The following LPP variants were observed in gnomAD, a reference collection of about 807,000 sequenced individuals.
LPP encodes lipoma-preferred partner.
In LPP, 38 loss-of-function variants were observed where a neutral mutation model predicts 60.4. The observed-to-expected ratio is 0.63, with a 90% CI of 0.49 to 0.83. The LOEUF is 0.83. Ranked by LOEUF, LPP falls within the 40% of genes least tolerant of loss-of-function variation. The probability of loss-of-function intolerance (pLI) is 0.00; values close to 1 mark genes in which losing one functional copy is unlikely to be tolerated. For missense variants in LPP, 902 were observed against 783.6 expected (o/e 1.15, Z -1.80); for synonymous variants, 328 against 290.8 (o/e 1.13, Z -1.30).
At chr3:188,245,988 G>GT (rs1162790333) in intron 2 of LPP, among the ~76,000 whole-genome samples, 1 of 152,132 alleles carries the variant, frequency 6.6e-6, no homozygotes, top group Non-Finnish European at 1.5e-5. Flanking sequence ...TATTTTCAAA[G>GT]TTTTTTACTT....
intron 2 of LPP, among the ~76,000 whole-genome samples, chr3:188,226,717 C>T (rs1056691274): frequency 2.6e-5 from 4 of 152,104 alleles, no homozygotes; most frequent in African/African-American, 9.7e-5. Flanking sequence ...AATTAATACA[C>T]CTTGACATAT....
chr3:188,800,789 AT>A (rs1746987877), intron 9 of LPP, among the ~76,000 whole-genome samples: 1 of 152,028 alleles, frequency 6.6e-6, no homozygotes, highest in Admixed American at 6.5e-5. Context: ...CATTTTTATG[AT>A]TTTTGGTGGA....
chr3:188,664,882 T>C (rs559958496), intron 7 of LPP, among the ~76,000 whole-genome samples: 2 of 152,234 alleles, frequency 1.3e-5, no homozygotes, highest in African/African-American at 4.8e-5. Flanking sequence ...GCTACCGGCA[T>C]TGAAAGCAAG....
intron 9 of LPP, among the ~76,000 whole-genome samples, chr3:188,847,645 A>C (rs142974357): frequency 6.6e-6 from 1 of 152,374 alleles, no homozygotes; most frequent in East Asian, 1.9e-4. Context: ...TTTATTGTCT[A>C]ACTCTCACAG....
At chr3:188,392,218 A>C (rs1250360530) in intron 3 of LPP, among the ~76,000 whole-genome samples, 2 of 152,236 alleles carry the variant, frequency 1.3e-5, no homozygotes, top group African/African-American at 2.4e-5. Flanking sequence ...CAACAGTTTT[A>C]CTTTAGGGAA....
At chr3:188,478,917 C>A (rs1201676864) in intron 4 of LPP, among the ~76,000 whole-genome samples, 1 of 151,992 alleles carries the variant, frequency 6.6e-6, no homozygotes, top group African/African-American at 2.4e-5. Flanking sequence ...CCACGCCTGG[C>A]TAATTTTTGT....
intron 9 of LPP, among the ~76,000 whole-genome samples, chr3:188,776,300 A>G (rs1737757171): frequency 6.6e-6 from 1 of 152,192 alleles, no homozygotes; most frequent in African/African-American, 2.4e-5. Context: ...TTGAAAGTAG[A>G]GTAGGAATGG....
chr3:188,815,902 A>G (rs1752336461), intron 9 of LPP, among the ~76,000 whole-genome samples: 1 of 152,230 alleles, frequency 6.6e-6, no homozygotes, highest in South Asian at 2.1e-4. Flanking sequence ...AGTTTTCATT[A>G]CTGGGGTCTT....
chr3:188,533,410 G>A (rs942578356), intron 6 of LPP, among the ~76,000 whole-genome samples: 3 of 152,152 alleles, frequency 2.0e-5, no homozygotes, highest in African/African-American at 7.2e-5. Context: ...AGGCTGCTTG[G>A]GACTTGAGAT....
intron 3 of LPP, among the ~76,000 whole-genome samples, chr3:188,391,360 G>A (rs1370811362): frequency 6.6e-6 from 1 of 152,224 alleles, no homozygotes; most frequent in East Asian, 1.9e-4. Flanking sequence ...TCTTCTAGAG[G>A]TGATCCAAGT....
intron 8 of LPP, among the ~76,000 whole-genome samples, chr3:188,755,867 A>C: frequency 2.4e-5 from 3 of 126,492 alleles, no homozygotes; most frequent in South Asian, 2.5e-4. Context: ...AAAAAAAAAC[A>C]AAGAAAAGAA....
chr3:188,463,121 A>C (rs1370708604), intron 4 of LPP, among the ~76,000 whole-genome samples: 1 of 152,050 alleles, frequency 6.6e-6, no homozygotes, highest in African/African-American at 2.4e-5. Context: ...ACAACAACAA[A>C]AATAATCTTT....
At chr3:188,482,666 A>G (rs1805145541) in intron 4 of LPP, among the ~76,000 whole-genome samples, 1 of 152,216 alleles carries the variant, frequency 6.6e-6, no homozygotes, top group Admixed American at 6.5e-5. Context: ...TGATTCTGGT[A>G]TTTAACCAAT....
In LPP at chr3:188,887,383, T is replaced by C. The variant is rs1429560554; in HGVS notation, c.*12904T>C. ...TAATTATAAACTGGAAATAGGAGAG[T>C]AGCTTGAGCAGGTTATGATATATCT... On this transcript the variant is annotated 3_prime_UTR_variant, in exon 12 of 12. Coordinates refer to ENST00000617246, the MANE Select transcript of LPP (RefSeq NM_001375462.1). 4.6e-6 allele frequency: 1 copy of C among 215,956 alleles called. No homozygotes were observed. The highest frequency in any genetic ancestry group is 2.3e-5 in the African/African-American group (1 of 44,334). 13.4% of individuals were successfully genotyped at this position (215,956 alleles called of 1,614,324 possible). A position where few individuals can be genotyped will look rare whatever the true frequency, so the allele number is the denominator to read the frequency against.
chr3:188,728,019 G>A (rs1719060212), intron 8 of LPP, among the ~76,000 whole-genome samples: 2 of 152,104 alleles, frequency 1.3e-5, no homozygotes, highest in African/African-American at 4.8e-5. Flanking sequence ...TGTTAAGGCT[G>A]GAGGAAACCT....
rs531056639 is a variant in LPP, at chr3:188,347,653, C to T, written c.-10+5934C>T. 2.4e-3 allele frequency among the ~76,000 whole-genome samples: 366 copies of T among 152,278 alleles called. 2 individuals carry two copies. The highest frequency in any genetic ancestry group is 8.3e-3 in the African/African-American group (345 of 41,558). ...AACAGAGATAACTTCTGACCACGCA[C>T]AGATCAGCACAAATGCAGATGTGAG... is the stretch of plus-strand genomic sequence containing the variant. On this transcript the variant is annotated intron_variant, in intron 3 of 11. Transcript: ENST00000617246.
At chr3:188,193,313 T>C (rs1434686091) in intron 1 of LPP, among the ~76,000 whole-genome samples, 3 of 152,306 alleles carry the variant, frequency 2.0e-5, no homozygotes, top group African/African-American at 7.2e-5. Flanking sequence ...ATGAAGAACA[T>C]GGACTGTGAG....
chr3:188,648,097 G>A (rs2148926608), intron 7 of LPP, among the ~76,000 whole-genome samples: 1 of 152,186 alleles, frequency 6.6e-6, no homozygotes, highest in East Asian at 1.9e-4. Flanking sequence ...AATTTTAATG[G>A]AACCTTCCTC....
At chr3:188,676,513 AAC>A (rs1486997631) in intron 7 of LPP, among the ~76,000 whole-genome samples, 1 of 152,216 alleles carries the variant, frequency 6.6e-6, no homozygotes, top group Non-Finnish European at 1.5e-5. Flanking sequence ...TAAAACAAAC[AAC>A]AGTTTTCTTC....
Sources: allele counts gnomAD v4.1 joint callset (sites outside exome capture counted in the v4.1 genomes callset), GRCh38; gene constraint gnomAD v4.1.1; transcripts MANE v1.5; gene names NCBI Gene and HGNC (gene_info 2026-07-23, HGNC 2026-07-21).